The following ATXN1 variants were observed in gnomAD, a reference collection of about 807,000 sequenced individuals.
ATXN1 encodes the protein ataxin-1.
Under a neutral mutation model 56.4 loss-of-function variants are expected in ATXN1, and 8 were observed. The observed-to-expected ratio is 0.14, with a 90% CI of 0.08 to 0.26. The LOEUF (loss-of-function observed/expected upper bound fraction) is 0.26, where lower values mean the gene tolerates loss of function less well. ATXN1 is among the 10% of genes least tolerant of loss of function. The probability of loss-of-function intolerance (pLI) is 1.00; values close to 1 mark genes in which losing one functional copy is unlikely to be tolerated. For synonymous variants in ATXN1, 514 were observed against 494.6 expected (o/e 1.04, Z -0.52); for missense variants, 987 against 1,106.5 (o/e 0.89, Z 1.53).
At chr6:16,602,258 C>T (rs1337512093) in intron 3 of ATXN1, among the ~76,000 whole-genome samples, 13 of 152,094 alleles carry the variant, frequency 8.5e-5, no homozygotes, top group African/African-American at 2.4e-4. Context: ...TTCTTTCCCA[C>T]CCCTGCCCTG....
intron 2 of ATXN1, among the ~76,000 whole-genome samples, chr6:16,714,191 ACACACACAC>A (rs1759591158): frequency 3.5e-5 from 3 of 86,426 alleles, no homozygotes; most frequent in African/African-American, 1.3e-4. Flanking sequence ...CCACACACAC[ACACACACAC>A]ACACACACAC....
intron 6 of ATXN1, among the ~76,000 whole-genome samples, chr6:16,402,242 G>GTTTTTTTTTTTTTT (rs58048762): frequency 1.6e-5 from 1 of 62,118 alleles, no homozygotes; most frequent in Non-Finnish European, 2.9e-5. Context: ...ACCACTGACA[G>GTTTTTTTTTTTTTT]TTTTTTTTTT....
intron 4 of ATXN1, among the ~76,000 whole-genome samples, chr6:16,574,061 C>CT (rs1328854588): frequency 1.3e-5 from 2 of 152,232 alleles, no homozygotes; most frequent in African/African-American, 4.8e-5. Context: ...GAGTCTCACT[C>CT]TGTCACCCAG....
At chr6:16,757,601 A>G (rs1275326446) in intron 1 of ATXN1, among the ~76,000 whole-genome samples, 1 of 152,232 alleles carries the variant, frequency 6.6e-6, no homozygotes, top group Non-Finnish European at 1.5e-5. Context: ...CTGGGAATAG[A>G]GTTGAGTAGC....
At chr6:16,397,134 G>A (rs1758473778) in intron 6 of ATXN1, among the ~76,000 whole-genome samples, 1 of 152,168 alleles carries the variant, frequency 6.6e-6, no homozygotes, top group Non-Finnish European at 1.5e-5. Flanking sequence ...CAATCTCATG[G>A]TTGGTAATGT....
intron 3 of ATXN1, among the ~76,000 whole-genome samples, chr6:16,634,458 CAA>C (rs1763558509): frequency 9.1e-6 from 1 of 110,068 alleles, no homozygotes; most frequent in Non-Finnish European, 2.0e-5. Context: ...ACATATAACT[CAA>C]GTGTATAACT....
chr6:16,536,408 T>C (rs2113711368), intron 4 of ATXN1, among the ~76,000 whole-genome samples: 1 of 152,298 alleles, frequency 6.6e-6, no homozygotes, highest in East Asian at 1.9e-4. Context: ...AGCAAAATAT[T>C]ATTTGCAAAA....
chr6:16,485,413 T>A (rs1174895375), intron 6 of ATXN1: 1 of 152,212 alleles, frequency 6.6e-6, no homozygotes, highest in African/African-American at 2.4e-5. Flanking sequence ...AGCCAGTAAC[T>A]GATCAAAACC....
At chr6:16,688,931 G>C (rs1398880308) in intron 2 of ATXN1, among the ~76,000 whole-genome samples, 1 of 152,118 alleles carries the variant, frequency 6.6e-6, no homozygotes, top group East Asian at 1.9e-4. Flanking sequence ...GGAGATGCAT[G>C]TGTGTGTATG....
chr6:16,559,343 T>C (rs1762072565), intron 4 of ATXN1, among the ~76,000 whole-genome samples: 1 of 151,924 alleles, frequency 6.6e-6, no homozygotes, highest in African/African-American at 2.4e-5. Context: ...TGAAGCATTG[T>C]TCATAGTAGC....
intron 2 of ATXN1, among the ~76,000 whole-genome samples, chr6:16,688,928 CATGT>C (rs893243005): frequency 1.1e-4 from 17 of 151,970 alleles, no homozygotes; most frequent in African/African-American, 4.1e-4. Flanking sequence ...CTTGGAGATG[CATGT>C]GTGTGTATGT....
chr6:16,613,047 T>C (rs1763140427), intron 3 of ATXN1, among the ~76,000 whole-genome samples: 1 of 149,008 alleles, frequency 6.7e-6, no homozygotes, highest in Non-Finnish European at 1.5e-5. Flanking sequence ...GGGTGGATCA[T>C]GAGGTCAGGA....
At chr6:16,656,886 G>A (rs1758214391) in intron 3 of ATXN1, among the ~76,000 whole-genome samples, 1 of 151,776 alleles carries the variant, frequency 6.6e-6, no homozygotes, top group Non-Finnish European at 1.5e-5. Flanking sequence ...CTACTGTAGT[G>A]AATACTGTAG....
intron 3 of ATXN1, among the ~76,000 whole-genome samples, chr6:16,630,072 C>T (rs754569389): frequency 1.3e-5 from 2 of 152,058 alleles, no homozygotes; most frequent in Non-Finnish European, 2.9e-5. Flanking sequence ...CCATGTTTTT[C>T]CTGTCATATA....
intron 6 of ATXN1, among the ~76,000 whole-genome samples, chr6:16,398,974 T>C (rs73364776): frequency 0.022 from 3,306 of 152,308 alleles, 115 homozygotes; most frequent in African/African-American, 0.075. Flanking sequence ...GGACTCACCA[T>C]GAGAGGACGA....
intron 6 of ATXN1, among the ~76,000 whole-genome samples, chr6:16,438,026 A>AG (rs1232633531): frequency 1.3e-5 from 2 of 152,230 alleles, no homozygotes; most frequent in Non-Finnish European, 2.9e-5. Flanking sequence ...CCATGAGGCT[A>AG]GGGGTAGGGG....
intron 6 of ATXN1, among the ~76,000 whole-genome samples, chr6:16,387,225 G>A (rs557945426): frequency 2.6e-5 from 4 of 152,178 alleles, no homozygotes; most frequent in South Asian, 4.1e-4. Context: ...ATGAGAACCC[G>A]GATGAAGTAG....
intron 7 of ATXN1, among the ~76,000 whole-genome samples, chr6:16,309,959 G>A (rs1016121079): frequency 6.6e-5 from 10 of 151,908 alleles, no homozygotes; most frequent in Non-Finnish European, 1.5e-4. Context: ...ACTTGAACCC[G>A]GGAGGCGGAG....
Position 16,494,766 on chromosome 6 carries a change from G to A in ATXN1, c.-298-8657C>T, listed in dbSNP as rs149417426. On this transcript the variant is annotated intron_variant, in intron 5 of 7. Transcript: ENST00000436367. ...CTGTGCTGAGCAGCTGTAGAACGAC[G>A]TCTCAGGAAATTAGTATTTTAAAGA... 3.7e-3 allele frequency among the ~76,000 whole-genome samples: 558 copies of A among 152,332 alleles called. 2 individuals carry two copies. Among genetic ancestry groups the A allele is most frequent in the Non-Finnish European group, 6.5e-3 (440 of 68,032 alleles).
Sources: allele counts gnomAD v4.1 joint callset (sites outside exome capture counted in the v4.1 genomes callset), GRCh38; gene constraint gnomAD v4.1.1; transcripts MANE v1.5; gene names NCBI Gene and HGNC (gene_info 2026-07-23, HGNC 2026-07-21).